The following FBXO33 variants were observed in gnomAD, a reference collection of about 807,000 sequenced individuals.
FBXO33 encodes F-box only protein 33.
FBXO33 carries 22 observed loss-of-function variants against 46.3 expected under a neutral mutation model. The ratio of observed to expected loss-of-function variants is 0.48; its 90% CI spans 0.34 to 0.68. FBXO33 has a LOEUF of 0.68. FBXO33 is among the 30% of genes least tolerant of loss of function. FBXO33 has a pLI of 0.01. For missense variants in FBXO33, 692 were observed against 708.8 expected (o/e 0.98, Z 0.27); for synonymous variants, 337 against 291.3 (o/e 1.16, Z -1.60).
chr14:39,421,330 C>T lies in FBXO33; in HGVS notation c.599+10234G>A, dbSNP rs141509346. Among the ~76,000 whole-genome samples the T allele has an allele frequency of 9.7e-4, 147 of 152,188 alleles. 3 individuals are homozygous for T. The South Asian group carries it at 9.7e-3, about 10-fold the overall frequency. ...TTTTTTGTTCACCTTAAGGAGTATA[C>T]GTGATGAGCATCTACATGGAAAGAC... On this transcript the variant is annotated intron_variant, in intron 1 of 3. Coordinates refer to ENST00000298097, the MANE Select transcript of FBXO33 (RefSeq NM_203301.4).
intron 1 of FBXO33, among the ~76,000 whole-genome samples, chr14:39,405,968 C>CAA (rs2075395466): frequency 6.8e-6 from 1 of 146,534 alleles, no homozygotes; most frequent in Non-Finnish European, 1.5e-5. Flanking sequence ...AGACATCGAA[C>CAA]AAAAAAACCG....
At chr14:39,428,595 G>A (rs924441022) in intron 1 of FBXO33, among the ~76,000 whole-genome samples, 3 of 152,152 alleles carry the variant, frequency 2.0e-5, no homozygotes, top group African/African-American at 7.2e-5. Flanking sequence ...ACAGCCCATA[G>A]AAGCATAAAC....
At chr14:39,417,924 A>G (rs2075457171) in intron 1 of FBXO33, among the ~76,000 whole-genome samples, 1 of 152,202 alleles carries the variant, frequency 6.6e-6, no homozygotes, top group African/African-American at 2.4e-5. Context: ...GAGTATGTGA[A>G]AAAATACATG....
intron 1 of FBXO33, among the ~76,000 whole-genome samples, chr14:39,419,300 C>A (rs994421537): frequency 6.6e-6 from 1 of 151,994 alleles, no homozygotes; most frequent in Non-Finnish European, 1.5e-5. Flanking sequence ...TTTTTCAATT[C>A]AAAATGAAAA....
chr14:39,424,240 C>T (rs1316644053), intron 1 of FBXO33, among the ~76,000 whole-genome samples: 4 of 152,210 alleles, frequency 2.6e-5, no homozygotes, highest in Non-Finnish European at 5.9e-5. Flanking sequence ...GTAGTTGAGA[C>T]CCTCCTTAAC....
intron 1 of FBXO33, among the ~76,000 whole-genome samples, chr14:39,429,188 T>C (rs764801739): frequency 6.6e-6 from 1 of 152,118 alleles, no homozygotes; most frequent in Non-Finnish European, 1.5e-5. Context: ...CTGAGGGACA[T>C]GAAAATAACT....
rs1434264312 is a variant in FBXO33 at position 39,399,677 on chromosome 14, C to T, written c.1507G>A (p.Ala503Thr). The T allele has an allele frequency of 1.2e-5, 20 of 1,613,868 alleles. No homozygotes were observed. Among genetic ancestry groups the T allele is most frequent in the Middle Eastern group, 1.6e-4 (1 of 6,084 alleles). The change falls in exon 4 of 4, where the codon GCC (alanine) becomes ACC (threonine). Residue 503 changes from alanine to threonine, a missense_variant. This residue lies in a region of FBXO33 where 94 missense variants were observed against 91.9 expected (regional missense o/e 1.02). Coordinates refer to ENST00000298097, the MANE Select transcript of FBXO33 (RefSeq NM_203301.4). ...ESIDFDQGEL[A>T]DQDVDPVHNL... ...TGCACTGGATCTACATCCTGGTCGG[C>T]CAGTTCACCTTGGTCAAAATCAATG... is the stretch of plus-strand genomic sequence containing the variant.
At chr14:39,402,296 C>A (rs2075372370) in intron 2 of FBXO33, 105 bp downstream of exon 2, 1 of 531,270 alleles carries the variant, frequency 1.9e-6, no homozygotes, top group South Asian at 6.0e-5. Context: ...GACCTATGTT[C>A]CTTTTAGGAA....
chr14:39,402,675 AG>A (rs952900555), intron 1 of FBXO33, among the ~76,000 whole-genome samples, 164 bp from the exon 2 acceptor site: 2 of 140,510 alleles, frequency 1.4e-5, no homozygotes, highest in Non-Finnish European at 3.0e-5. Context: ...ACATATATTC[AG>A]ATTTTTTTTT....
At chr14:39,431,249 C>A (rs548100342) in intron 1 of FBXO33, among the ~76,000 whole-genome samples, 1 of 152,164 alleles carries the variant, frequency 6.6e-6, no homozygotes, top group African/African-American at 2.4e-5. Context: ...CTTAACGCTC[C>A]CATATATAAA....
chr14:39,419,600 T>C (rs1443521774), intron 1 of FBXO33, among the ~76,000 whole-genome samples: 1 of 152,206 alleles, frequency 6.6e-6, no homozygotes, highest in Non-Finnish European at 1.5e-5. Context: ...AATAAGGGAA[T>C]TGTGCTACAT....
chr14:39,409,648 T>A (rs73285563), intron 1 of FBXO33, among the ~76,000 whole-genome samples: 94 of 152,352 alleles, frequency 6.2e-4, no homozygotes, highest in African/African-American at 2.1e-3. Context: ...TTGCATTGAA[T>A]CTGTAGACTG....
chr14:39,404,646 A>G (rs576705557), intron 1 of FBXO33, among the ~76,000 whole-genome samples: 32 of 152,224 alleles, frequency 2.1e-4, no homozygotes, highest in African/African-American at 5.3e-4. Flanking sequence ...CTTAAGAATA[A>G]GTGGAAGTTA....
At chr14:39,402,540 G>T in intron 1 of FBXO33, 29 bp from the exon 2 acceptor site, 3 of 1,137,202 alleles carry the variant, frequency 2.6e-6, no homozygotes, top group Non-Finnish European at 3.6e-6. Flanking sequence ...AAAATGATTT[G>T]CTAAATAATT....
intron 1 of FBXO33, among the ~76,000 whole-genome samples, chr14:39,407,503 G>A (rs1454229745): frequency 6.6e-6 from 1 of 152,152 alleles, no homozygotes; most frequent in African/African-American, 2.4e-5. Flanking sequence ...CTCTGCTTCT[G>A]GGAGTTTGAC....
At position 39,401,367 on chromosome 14, in the gene FBXO33, T is replaced by C. The variant is rs745641139; in HGVS notation, c.1205A>G (p.Tyr402Cys). ...IPLERIHFDS[Y>C]ITCVSGAIVD... ...AATAGCCCCTGAAACACAAGTGATA[T>C]AGCTATCAAAATGAATCCTCTCTAG... The change falls in exon 3 of 4, where the codon TAT (tyrosine) becomes TGT (cysteine). Residue 402 changes from tyrosine (Y) to cysteine (C), a missense_variant. By Grantham distance (194) the Tyr-to-Cys change is radical (BLOSUM62 -2). Around this residue, in one of 3 missense-constraint regions of FBXO33, gnomAD observed 186 missense variants for 246.1 expected, o/e 0.76. Coordinates refer to ENST00000298097, the MANE Select transcript of FBXO33 (RefSeq NM_203301.4). The C allele has an allele frequency of 5.0e-6, 8 of 1,614,154 alleles. No individual in the cohort carries two copies. Among genetic ancestry groups the C allele is most frequent in the Non-Finnish European group, 6.8e-6 (8 of 1,180,022 alleles).
At chr14:39,426,052 G>A (rs182515076) in intron 1 of FBXO33, among the ~76,000 whole-genome samples, 75 of 152,062 alleles carry the variant, frequency 4.9e-4, no homozygotes, top group Admixed American at 2.0e-3. Context: ...CCCAAATCCC[G>A]AAGGTTACAC....
chr14:39,399,466 T>C lies in FBXO33; in HGVS notation c.*50A>G. 4.0e-6 allele frequency: 6 copies of C among 1,514,380 alleles called. No individual in the cohort carries two copies. The highest frequency in any genetic ancestry group is 5.4e-6 in the Non-Finnish European group (6 of 1,120,062). The allele number at this position is 1,514,380 out of a possible 1,614,324, so 93.8% of individuals were successfully genotyped here. A position where few individuals can be genotyped will look rare whatever the true frequency, so the allele number is the denominator to read the frequency against. On this transcript the variant is annotated 3_prime_UTR_variant, in exon 4 of 4. Coordinates refer to ENST00000298097, the MANE Select transcript of FBXO33 (RefSeq NM_203301.4). Reference sequence around the variant, plus strand: ...TCACACTACTGAAAAAAAAACATAATAGGACCCTACTTGCATATGTAACCA... The same window carrying C: ...TCACACTACTGAAAAAAAAACATAACAGGACCCTACTTGCATATGTAACCA...
At chr14:39,409,589 G>C (rs1211618446) in intron 1 of FBXO33, among the ~76,000 whole-genome samples, 7 of 152,004 alleles carry the variant, frequency 4.6e-5, no homozygotes, top group Non-Finnish European at 7.4e-5. Context: ...TTAATTTTAG[G>C]GTTGTTTTTC....
Sources: allele counts gnomAD v4.1 joint callset (sites outside exome capture counted in the v4.1 genomes callset), GRCh38; gene constraint gnomAD v4.1.1; regional missense constraint gnomAD v4.1.1; transcripts MANE v1.5; gene names NCBI Gene and HGNC (gene_info 2026-07-23, HGNC 2026-07-21).